Variants in PLPP4 observed in about 807,000 individuals in gnomAD.
The protein encoded by PLPP4 is phospholipid phosphatase 4, also known as diacylglycerol pyrophosphate like 2.
In PLPP4, 20 loss-of-function variants were observed where a neutral mutation model predicts 32.2. The ratio of observed to expected loss-of-function variants is 0.62; its 90% confidence interval spans 0.44 to 0.90. The LOEUF is 0.90. Ranked by LOEUF, PLPP4 falls within the 40% of genes least tolerant of loss-of-function variation. PLPP4 has a pLI of 0.00. For missense variants in PLPP4, 257 were observed against 353.1 expected (o/e 0.73, Z 2.18); for synonymous variants, 127 against 133.0 (o/e 0.95, Z 0.31).
chr10:120,496,996 C>A (rs1844998542), intron 1 of PLPP4, among the ~76,000 whole-genome samples: 1 of 151,682 alleles, frequency 6.6e-6, no homozygotes, highest in Non-Finnish European at 1.5e-5. Flanking sequence ...TAGATGCTGC[C>A]CCATCTAGCC....
At chr10:120,510,233 C>T in intron 2 of PLPP4, among the ~76,000 whole-genome samples, 1 of 152,136 alleles carries the variant, frequency 6.6e-6, no homozygotes. Flanking sequence ...GAGCAGAACT[C>T]AAGTCCAAGA....
chr10:120,551,143 G>A (rs986083194), intron 5 of PLPP4, among the ~76,000 whole-genome samples: 8 of 152,112 alleles, frequency 5.3e-5, no homozygotes, highest in Admixed American at 2.6e-4. Context: ...ACATGAAAAG[G>A]TGCTCCATTA....
intron 1 of PLPP4, among the ~76,000 whole-genome samples, chr10:120,483,758 A>C (rs1172792575): frequency 2.0e-5 from 3 of 152,178 alleles, no homozygotes; most frequent in Non-Finnish European, 4.4e-5. Flanking sequence ...GCTAGTTGTT[A>C]AAAAGAGCCT....
chr10:120,545,220 T>G lies in PLPP4; in HGVS notation c.445+24125T>G, dbSNP rs1481688882. On this transcript the variant is annotated intron_variant, in intron 5 of 6. Coordinates refer to ENST00000398250, the MANE Select transcript of PLPP4 (RefSeq NM_001030059.3). The stretch of plus-strand genomic sequence containing the variant: ...AAATCCATTTGCTCTTACCCTTTCC[T>G]GGTCCTTCAGGAAACTAAGTCCTGG... 1.5e-4 allele frequency among the ~76,000 whole-genome samples: 23 copies of G among 152,382 alleles called. No individual in the cohort carries two copies. The East Asian group carries it at 4.2e-3, about 28-fold the overall frequency.
chr10:120,520,638 T>G (rs1376498612), intron 4 of PLPP4, among the ~76,000 whole-genome samples: 2 of 152,168 alleles, frequency 1.3e-5, no homozygotes, highest in African/African-American at 4.8e-5. Flanking sequence ...CTGTAAGTCA[T>G]GTCACTCTAT....
chr10:120,482,640 C>G (rs1045133509), intron 1 of PLPP4, among the ~76,000 whole-genome samples: 1 of 152,114 alleles, frequency 6.6e-6, no homozygotes, highest in African/African-American at 2.4e-5. Flanking sequence ...CGCAGTGGCT[C>G]ACACCTGTAA....
intron 5 of PLPP4, among the ~76,000 whole-genome samples, chr10:120,571,865 T>G (rs12260111): frequency 0.091 from 13,894 of 152,222 alleles, 930 homozygotes; most frequent in African/African-American, 0.17. Context: ...AAAAGTCCTT[T>G]GTCAAAGGAT....
intron 6 of PLPP4, among the ~76,000 whole-genome samples, chr10:120,588,132 A>C (rs1249205936): frequency 6.6e-6 from 1 of 152,264 alleles, no homozygotes; most frequent in African/African-American, 2.4e-5. Context: ...GTACGGTTCA[A>C]CAAGAGTTTC....
At chr10:120,494,723 T>C (rs1404419060) in intron 1 of PLPP4, among the ~76,000 whole-genome samples, 1 of 152,322 alleles carries the variant, frequency 6.6e-6, no homozygotes, top group East Asian at 1.9e-4. Flanking sequence ...CTTTGGATGA[T>C]AGGTACAAGA....
intron 1 of PLPP4, among the ~76,000 whole-genome samples, chr10:120,499,064 C>T (rs1240919554): frequency 1.3e-5 from 2 of 152,130 alleles, no homozygotes; most frequent in South Asian, 2.1e-4. Flanking sequence ...TGTTTTTAGC[C>T]GTTCTGTTTT....
chr10:120,519,059 A>G (rs1355575067), intron 4 of PLPP4, among the ~76,000 whole-genome samples, 163 bp downstream of exon 4: 8 of 152,116 alleles, frequency 5.3e-5, no homozygotes, highest in African/African-American at 1.7e-4. Context: ...CTTTCCTTTG[A>G]ATTACAAACT....
intron 1 of PLPP4, among the ~76,000 whole-genome samples, chr10:120,460,666 T>C (rs1326745064): frequency 6.6e-6 from 1 of 152,204 alleles, no homozygotes; most frequent in African/African-American, 2.4e-5. Flanking sequence ...CAAGGGCAGC[T>C]CTGAGATCTA....
chr10:120,571,948 G>T (rs989277379), intron 5 of PLPP4, among the ~76,000 whole-genome samples: 2 of 152,136 alleles, frequency 1.3e-5, no homozygotes, highest in African/African-American at 4.8e-5. Flanking sequence ...TGAAATTGGA[G>T]CCTCATTGTG....
At chr10:120,542,267 CA>C (rs1847381105) in intron 5 of PLPP4, among the ~76,000 whole-genome samples, 1 of 152,186 alleles carries the variant, frequency 6.6e-6, no homozygotes, top group African/African-American at 2.4e-5. Flanking sequence ...AGCATGGGCT[CA>C]GATGCAAATG....
chr10:120,471,144 C>T (rs1848501178), intron 1 of PLPP4, among the ~76,000 whole-genome samples: 1 of 152,084 alleles, frequency 6.6e-6, no homozygotes, highest in Non-Finnish European at 1.5e-5. Flanking sequence ...GTTAGCCATG[C>T]TATTAAAATT....
chr10:120,507,770 A>C (rs1845564807), intron 2 of PLPP4, among the ~76,000 whole-genome samples: 1 of 152,164 alleles, frequency 6.6e-6, no homozygotes, highest in Non-Finnish European at 1.5e-5. Flanking sequence ...GGGGGCAGGG[A>C]TAGAGCTAGA....
chr10:120,518,047 C>G (rs1564810268), intron 3 of PLPP4, among the ~76,000 whole-genome samples: 1 of 152,210 alleles, frequency 6.6e-6, no homozygotes, highest in Non-Finnish European at 1.5e-5. Context: ...GGTGATGACT[C>G]TGCCTTTTAC....
At chr10:120,547,127 A>G (rs759958921) in intron 5 of PLPP4, among the ~76,000 whole-genome samples, 3 of 152,140 alleles carry the variant, frequency 2.0e-5, no homozygotes, top group Non-Finnish European at 4.4e-5. Flanking sequence ...ATGAACATAG[A>G]TAATGGAAAT....
At chr10:120,521,273 G>T (rs555432723) in intron 5 of PLPP4, among the ~76,000 whole-genome samples, 178 bp downstream of exon 5, 5 of 152,288 alleles carry the variant, frequency 3.3e-5, no homozygotes, top group African/African-American at 1.2e-4. Context: ...AATATGCCCA[G>T]GATGAGGCTC....
Sources: gnomAD v4.1 joint callset for allele counts (sites outside exome capture counted in the v4.1 genomes callset) on GRCh38, gnomAD v4.1.1 for gene constraint, MANE v1.5 for transcripts, NCBI Gene and HGNC (gene_info 2026-07-23, HGNC 2026-07-21) for gene names.